Variants in TACR3 observed in about 807,000 individuals in gnomAD.
TACR3 encodes tachykinin receptor 3, also known as neuromedin-K receptor.
TACR3 carries 34 observed loss-of-function variants against 35.0 expected under a neutral mutation model. The observed-to-expected ratio is 0.97, with a 90% CI of 0.74 to 1.30. The LOEUF (loss-of-function observed/expected upper bound fraction) is 1.30. Ranked by LOEUF, TACR3 falls within the 50% of genes most tolerant of loss-of-function variation. The probability of loss-of-function intolerance (pLI) is 0.00; values close to 1 mark genes in which losing one functional copy is unlikely to be tolerated. For synonymous variants in TACR3, 233 were observed against 221.1 expected, an observed-to-expected ratio of 1.05 and a Z score of -0.48; for missense variants, 558 against 591.7, an observed-to-expected ratio of 0.94 and a Z score of 0.59.
At chr4:103,601,552 C>T (rs1315932631) in intron 3 of TACR3, among the ~76,000 whole-genome samples, 1 of 152,110 alleles carries the variant, frequency 6.6e-6, no homozygotes, top group Non-Finnish European at 1.5e-5. Context: ...TTTAGTGCTT[C>T]CTTCAGGAGC....
intron 3 of TACR3, among the ~76,000 whole-genome samples, chr4:103,601,638 C>T (rs931430820): frequency 3.9e-5 from 6 of 152,152 alleles, no homozygotes; most frequent in Admixed American, 2.6e-4. Context: ...TTCTCCTTCA[C>T]TTATGAAGCT....
chr4:103,595,712 CT>C lies in TACR3; in HGVS notation c.889-4030del, dbSNP rs201151369. On this transcript the variant is annotated intron_variant, in intron 3 of 4. Transcript: ENST00000304883. ...TTTAGAAAACTCTAGGGGTCATATTCTTTTTTTTTTAATTTTGGCAATATTA... is the reference window on the plus strand; with the variant it reads ...TTTAGAAAACTCTAGGGGTCATATTCTTTTTTTTTAATTTTGGCAATATTA... Among the ~76,000 whole-genome samples, 1,196 of 146,184 alleles carry C rather than the reference CT, an allele frequency of 8.2e-3. 17 individuals carry two copies. Among genetic ancestry groups the C allele is most frequent in the African/African-American group, 0.027 (1,078 of 40,062 alleles).
chr4:103,644,881 A>T (rs979786595), intron 3 of TACR3, among the ~76,000 whole-genome samples: 9 of 151,816 alleles, frequency 5.9e-5, no homozygotes, highest in African/African-American at 1.9e-4. Flanking sequence ...AAAATGTGGA[A>T]ATGTGTCCTG....
In TACR3 at chr4:103,698,782, TAA is replaced by T. The variant is rs61045800; in HGVS notation, c.548+20344_548+20345del. On this transcript the variant is annotated intron_variant, in intron 1 of 4. Transcript: ENST00000304883. ...ATCTATTGCATATTTTAAAATAAAA[TAA>T]AAGAGTGGAATTGAGATGTTCCTAA... 4.6e-3 allele frequency among the ~76,000 whole-genome samples: 700 copies of T among 151,772 alleles called. 5 individuals are homozygous for T. The highest frequency in any genetic ancestry group is 0.016 in the African/African-American group (660 of 41,394).
rs570523318 is a variant in TACR3 at position 103,611,396 on chromosome 4, T to C, written c.889-19713A>G. Among the ~76,000 whole-genome samples, 61 of 152,266 alleles carry C rather than the reference T, an allele frequency of 4.0e-4. 1 individual carries two copies. The South Asian group carries it at 0.012, about 30-fold the overall frequency. ...TTTTTTGTAGCTATTGTAAGTGGGA[T>C]TGATTTCTTAATTTCTTTTTTAGAG... On this transcript the variant is annotated intron_variant, in intron 3 of 4. Transcript: ENST00000304883.
At chr4:103,652,904 T>C (rs1022912193) in intron 3 of TACR3, among the ~76,000 whole-genome samples, 4 of 152,060 alleles carry the variant, frequency 2.6e-5, no homozygotes, top group African/African-American at 9.7e-5. Flanking sequence ...TTATTAGTAA[T>C]AGCTGTATTC....
chr4:103,709,118 A>G (rs1201151860), intron 1 of TACR3, among the ~76,000 whole-genome samples: 1 of 152,214 alleles, frequency 6.6e-6, no homozygotes, highest in Non-Finnish European at 1.5e-5. Flanking sequence ...CCAACCTACC[A>G]ACGCAGGCCA....
At chr4:103,702,795 A>T (rs1302908401) in intron 1 of TACR3, among the ~76,000 whole-genome samples, 1 of 151,246 alleles carries the variant, frequency 6.6e-6, no homozygotes, top group Admixed American at 6.6e-5. Context: ...GCAAACTATC[A>T]CAAGGACAAA....
chr4:103,623,614 TGCCTAAATC>T, intron 3 of TACR3, among the ~76,000 whole-genome samples: 1 of 152,276 alleles, frequency 6.6e-6, no homozygotes, highest in African/African-American at 2.4e-5. Context: ...TGCCCAAGAC[TGCCTAAATC>T]CTAGGCAGTC....
intron 1 of TACR3, among the ~76,000 whole-genome samples, chr4:103,713,189 G>A (rs1270445517): frequency 5.3e-5 from 8 of 151,900 alleles, no homozygotes; most frequent in East Asian, 1.9e-4. Flanking sequence ...TGTTTACCGC[G>A]GCACTACTCA....
chr4:103,654,587 C>T (rs1321646542), intron 3 of TACR3, among the ~76,000 whole-genome samples: 1 of 148,398 alleles, frequency 6.7e-6, no homozygotes, highest in Non-Finnish European at 1.5e-5. Context: ...AGGAGATATA[C>T]CTAATGCTAA....
At chr4:103,700,457 C>T (rs2110222952) in intron 1 of TACR3, among the ~76,000 whole-genome samples, 1 of 152,172 alleles carries the variant, frequency 6.6e-6, no homozygotes, top group South Asian at 2.1e-4. Context: ...AAATAATGAA[C>T]TTAAGCAAAT....
At chr4:103,592,215 C>A (rs976609524) in intron 3 of TACR3, among the ~76,000 whole-genome samples, 1 of 152,112 alleles carries the variant, frequency 6.6e-6, no homozygotes, top group African/African-American at 2.4e-5. Context: ...AATTTGGTTT[C>A]TCTTATAATC....
intron 3 of TACR3, among the ~76,000 whole-genome samples, chr4:103,633,787 C>T (rs1725120473): frequency 6.6e-6 from 1 of 152,044 alleles, no homozygotes; most frequent in African/African-American, 2.4e-5. Context: ...CAGGTGTTTT[C>T]CTGAGCCCAT....
intron 1 of TACR3, among the ~76,000 whole-genome samples, chr4:103,695,331 C>A (rs1186826581): frequency 6.6e-6 from 1 of 152,078 alleles, no homozygotes; most frequent in Non-Finnish European, 1.5e-5. Flanking sequence ...TCCACTTCAC[C>A]CTTTGCTATC....
chr4:103,589,335 G>T lies in TACR3; in HGVS notation c.*347C>A. On this transcript the variant is annotated 3_prime_UTR_variant, in exon 5 of 5. Transcript: ENST00000304883. Reference sequence around the variant, plus strand: ...GTTTTAAAGATTCTTTAATCTCTTGGAAAAACTATATATCATTTTAATGTC... The same window carrying T: ...GTTTTAAAGATTCTTTAATCTCTTGTAAAAACTATATATCATTTTAATGTC... The T allele has an allele frequency of 5.1e-6, 1 of 194,780 alleles. No individual in the cohort carries two copies. Among genetic ancestry groups the T allele is most frequent in the Non-Finnish European group, 1.1e-5 (1 of 92,590 alleles). The allele number at this position is 194,780 out of a possible 1,614,324, so 12.1% of individuals were successfully genotyped here.
intron 3 of TACR3, among the ~76,000 whole-genome samples, chr4:103,628,185 AGAAAGCAG>A: frequency 6.6e-6 from 1 of 152,244 alleles, no homozygotes; most frequent in East Asian, 1.9e-4. Context: ...TGCCCACAAG[AGAAAGCAG>A]GAAAGACCTA....
intron 1 of TACR3, among the ~76,000 whole-genome samples, chr4:103,669,959 A>T (rs1453247727): frequency 6.6e-6 from 1 of 151,946 alleles, no homozygotes; most frequent in Non-Finnish European, 1.5e-5. Context: ...GGTCTTACAT[A>T]TAAGTCTTTA....
intron 1 of TACR3, among the ~76,000 whole-genome samples, chr4:103,704,060 C>T (rs942724162): frequency 2.2e-4 from 27 of 123,956 alleles, no homozygotes; most frequent in East Asian, 2.1e-3. Flanking sequence ...GCCGAGATTG[C>T]GCCCCTGCAT....
Sources: gnomAD v4.1 joint callset for allele counts (sites outside exome capture counted in the v4.1 genomes callset) on GRCh38, gnomAD v4.1.1 for gene constraint, MANE v1.5 for transcripts, NCBI Gene and HGNC (gene_info 2026-07-23, HGNC 2026-07-21) for gene names.